Variants in ATRN observed in about 807,000 individuals in gnomAD.
ATRN encodes the protein attractin.
Under a neutral mutation model 178.7 loss-of-function variants are expected in ATRN, and 54 were observed. The ratio of observed to expected loss-of-function variants is 0.30; its 90% CI spans 0.24 to 0.38. The LOEUF (loss-of-function observed/expected upper bound fraction) is 0.38. ATRN is among the 10% of genes least tolerant of loss of function. The pLI, the probability that ATRN is intolerant of heterozygous loss-of-function variation, is 1.00. For missense variants in ATRN, 1,443 were observed against 1,815.1 expected (o/e 0.79, Z 3.73); for synonymous variants, 636 against 663.0 (o/e 0.96, Z 0.63).
Position 3,650,908 on chromosome 20 carries a change from C to T in ATRN, c.*4061C>T, listed in dbSNP as rs2087142142. 6.6e-6 allele frequency: 1 copy of T among 152,612 alleles called. No individual in the cohort carries two copies. The highest frequency in any genetic ancestry group is 2.4e-5 in the African/African-American group (1 of 41,448). The allele number at this position is 152,612 out of a possible 1,614,324, so 9.5% of individuals were successfully genotyped here. A position where few individuals can be genotyped will look rare whatever the true frequency, so the allele number is the denominator to read the frequency against. The stretch of plus-strand genomic sequence containing the variant: ...ATGGAGTAAGTATTGTAAACTATTT[C>T]ATCGCGGGGATTGTGGGTGTTATAC... On this transcript the variant is annotated 3_prime_UTR_variant, in exon 29 of 29. Coordinates refer to ENST00000262919, the MANE Select transcript of ATRN (RefSeq NM_139321.3).
intron 24 of ATRN, among the ~76,000 whole-genome samples, chr20:3,621,820 A>G (rs2086899547): frequency 6.6e-6 from 1 of 151,850 alleles, no homozygotes; most frequent in African/African-American, 2.4e-5. Flanking sequence ...AGTTACAATC[A>G]TGAAGCAGGT....
chr20:3,474,181 A>G (rs891495261), intron 1 of ATRN, among the ~76,000 whole-genome samples: 1 of 152,192 alleles, frequency 6.6e-6, no homozygotes, highest in Admixed American at 6.5e-5. Flanking sequence ...TACTTGTTGC[A>G]GGGAACAGGC....
At chr20:3,592,566 C>G in intron 19 of ATRN, 1 of 797,040 alleles carries the variant, frequency 1.3e-6, no homozygotes, top group South Asian at 5.7e-5. Flanking sequence ...ATAATGAGTA[C>G]TATAGTCGAA....
intron 24 of ATRN, among the ~76,000 whole-genome samples, chr20:3,616,972 C>T (rs2086853283): frequency 6.6e-6 from 1 of 152,086 alleles, no homozygotes; most frequent in Non-Finnish European, 1.5e-5. Context: ...TCAGTGTCCT[C>T]AGTGTCATGT....
rs564569898 is a variant in ATRN, at chr20:3,545,879, T to C, written c.726T>C (p.Asn242=). 1.5e-4 allele frequency: 250 copies of C among 1,613,840 alleles called. No individual in the cohort carries two copies. In the South Asian group the frequency reaches 2.1e-3, roughly 13 times the overall value. Residue 242 remains asparagine (N), a synonymous_variant, in exon 4 of 29, where the codon AAT becomes AAC. Coordinates refer to ENST00000262919, the MANE Select transcript of ATRN (RefSeq NM_139321.3). ...CTGCTTATAATTTGACTGGATTTAA[T>C]ATTACTTACAGGTAAGATACTTAAG... ...SDAAYNLTGF[N]ITYSFDMCPN... is the part of the protein sequence containing the mutation.
chr20:3,598,034 G>T, intron 22 of ATRN, 34 bp downstream of exon 22: 1 of 1,368,820 alleles, frequency 7.3e-7, no homozygotes, highest in South Asian at 1.2e-5. Context: ...ATTTTGTTTT[G>T]AATTTGTATG....
At chr20:3,598,212 A>G (rs2086558371) in intron 22 of ATRN, among the ~76,000 whole-genome samples, 1 of 152,240 alleles carries the variant, frequency 6.6e-6, no homozygotes, top group African/African-American at 2.4e-5. Flanking sequence ...CCAGGATCTT[A>G]GACACAGACT....
intron 1 of ATRN, among the ~76,000 whole-genome samples, chr20:3,521,561 A>G (rs1425383352): frequency 6.6e-6 from 1 of 152,248 alleles, no homozygotes; most frequent in Admixed American, 6.5e-5. Flanking sequence ...AGATTTCAAC[A>G]TTTGCCTTTC....
Position 3,596,525 on chromosome 20 carries a change from A to G in ATRN, c.3469+96A>G, listed in dbSNP as rs1398456479. 8 of 1,150,224 alleles carry G rather than the reference A, an allele frequency of 7.0e-6. No individual in the cohort carries two copies. In the African/African-American group the frequency reaches 7.7e-5, roughly 11 times the overall value. 71.3% of individuals were successfully genotyped at this position (1,150,224 alleles called of 1,614,324 possible). A position where few individuals can be genotyped will look rare whatever the true frequency, so the allele number is the denominator to read the frequency against. On this transcript the variant is annotated intron_variant, in intron 21 of 28. Coordinates refer to ENST00000262919, the MANE Select transcript of ATRN (RefSeq NM_139321.3). ...TGAGAATAGTAAGTGCTATAAGACT[A>G]TAGCAGCCACCAATGAAGTGTTCCC...
intron 16 of ATRN, 126 bp from the exon 17 acceptor site, chr20:3,583,772 C>G: frequency 1.0e-6 from 1 of 962,844 alleles, no homozygotes; most frequent in Non-Finnish European, 1.5e-6. Flanking sequence ...TGTGCCACTG[C>G]ACTCTAGCCT....
chr20:3,473,098 A>G (rs529312202), intron 1 of ATRN, among the ~76,000 whole-genome samples: 6 of 152,312 alleles, frequency 3.9e-5, no homozygotes, highest in East Asian at 1.9e-4. Context: ...ATTAACCTAC[A>G]TGTATTTGTT....
chr20:3,619,368 ACT>A (rs2086878865), intron 24 of ATRN, among the ~76,000 whole-genome samples: 1 of 152,076 alleles, frequency 6.6e-6, no homozygotes, highest in Admixed American at 6.5e-5. Flanking sequence ...TGAAAAGGAA[ACT>A]CTGGTATTGA....
At chr20:3,641,750 G>A (rs750548615) in intron 27 of ATRN, among the ~76,000 whole-genome samples, 20 of 151,866 alleles carry the variant, frequency 1.3e-4, no homozygotes, top group Non-Finnish European at 2.9e-5. Flanking sequence ...AGCACCTTCC[G>A]AGAACAAGGA....
At chr20:3,533,471 T>C (rs2085482405) in intron 1 of ATRN, among the ~76,000 whole-genome samples, 1 of 152,202 alleles carries the variant, frequency 6.6e-6, no homozygotes, top group Non-Finnish European at 1.5e-5. Flanking sequence ...CGAATGTAAG[T>C]TGAATTTTCA....
At chr20:3,615,111 C>T (rs1469848880) in intron 24 of ATRN, among the ~76,000 whole-genome samples, 5 of 152,016 alleles carry the variant, frequency 3.3e-5, no homozygotes, top group East Asian at 1.9e-4. Context: ...AGTGCATATC[C>T]GTACCTCCTG....
chr20:3,489,422 A>C (rs1443107917), intron 1 of ATRN: 10 of 703,402 alleles, frequency 1.4e-5, no homozygotes, highest in Non-Finnish European at 2.1e-5. Context: ...CTAGACCATG[A>C]GACTACGTAG....
chr20:3,473,148 A>G (rs1244243794), intron 1 of ATRN, among the ~76,000 whole-genome samples: 2 of 152,230 alleles, frequency 1.3e-5, no homozygotes, highest in African/African-American at 4.8e-5. Context: ...ACAGTGGTAT[A>G]CAAGACAGGC....
intron 18 of ATRN, among the ~76,000 whole-genome samples, chr20:3,587,535 CTG>C (rs1407358926): frequency 1.3e-5 from 2 of 151,194 alleles, no homozygotes; most frequent in East Asian, 1.9e-4. Flanking sequence ...GATCAGTTGA[CTG>C]TGAATCTAGG....
At chr20:3,525,574 A>G (rs1332862427) in intron 1 of ATRN, among the ~76,000 whole-genome samples, 1 of 152,198 alleles carries the variant, frequency 6.6e-6, no homozygotes, top group Non-Finnish European at 1.5e-5. Context: ...TCCTGACACC[A>G]AAACCTGGCA....
Sources: allele counts gnomAD v4.1 joint callset (sites outside exome capture counted in the v4.1 genomes callset), GRCh38; gene constraint gnomAD v4.1.1; transcripts MANE v1.5; gene names NCBI Gene and HGNC (gene_info 2026-07-23, HGNC 2026-07-21).